The following COPG2 variants were observed in gnomAD, a reference collection of about 807,000 sequenced individuals.
COPG2 encodes the protein coatomer subunit gamma-2.
Under a neutral mutation model 46.3 loss-of-function variants are expected in COPG2, and 37 were observed. That is an observed-to-expected ratio of 0.80 (90% CI 0.61 to 1.05). The LOEUF is 1.05. Among genes scored for constraint, COPG2 ranks in the 50% least tolerant of loss-of-function variants. The pLI is 0.00. For synonymous variants in COPG2, 159 were observed against 129.7 expected (o/e 1.23, Z -1.53); for missense variants, 427 against 387.8 (o/e 1.10, Z -0.85).
chr7:130,645,329 C>G, intron 5 of COPG2: 4 of 581,280 alleles, frequency 6.9e-6, no homozygotes, highest in Non-Finnish European at 1.4e-5. Flanking sequence ...AATTCTTCAG[C>G]ACAGTTGCCT....
chr7:130,595,982 T>A (rs782492094), intron 9 of COPG2, among the ~76,000 whole-genome samples: 1 of 152,228 alleles, frequency 6.6e-6, no homozygotes, highest in Non-Finnish European at 1.5e-5. Flanking sequence ...CCCTCAGCCG[T>A]AGTGCCTCTG....
chr7:130,604,653 G>C, intron 9 of COPG2: 1 of 486,872 alleles, frequency 2.1e-6, no homozygotes, highest in Non-Finnish European at 4.0e-6. Context: ...AAATTTTTAG[G>C]TATTTTATTT....
chr7:130,565,722 C>T (rs1793792010), intron 9 of COPG2, among the ~76,000 whole-genome samples: 1 of 151,124 alleles, frequency 6.6e-6, no homozygotes, highest in African/African-American at 2.4e-5. Flanking sequence ...TATGAGACTA[C>T]CAATAAAGTG....
At position 130,640,967 on chromosome 7, in the gene COPG2, A is replaced by G. The variant is rs377522821; in HGVS notation, c.323+11902T>C. 2.0e-3 allele frequency among the ~76,000 whole-genome samples: 308 copies of G among 152,278 alleles called. 2 individuals are homozygous for G. The highest frequency in any genetic ancestry group is 6.7e-3 in the African/African-American group (279 of 41,556). ...TCTCTCAAAGAATTAATAATTCAGAAGGCAGAAAAACTATGCAAATAATTA... is the reference window on the plus strand; with the variant it reads ...TCTCTCAAAGAATTAATAATTCAGAGGGCAGAAAAACTATGCAAATAATTA... On this transcript the variant is annotated intron_variant, in intron 5 of 23. Coordinates refer to ENST00000425248, the MANE Select transcript of COPG2 (RefSeq NM_012133.6).
chr7:130,571,171 C>T (rs373610502), intron 9 of COPG2, among the ~76,000 whole-genome samples: 6 of 152,092 alleles, frequency 3.9e-5, no homozygotes, highest in African/African-American at 7.2e-5. Flanking sequence ...AAAGCAAATG[C>T]GAGAAAAGCA....
intron 5 of COPG2, among the ~76,000 whole-genome samples, chr7:130,624,566 C>A (rs1456947450): frequency 1.3e-5 from 2 of 152,058 alleles, no homozygotes; most frequent in Admixed American, 1.3e-4. Context: ...TCCCTCACCC[C>A]CTCCTAACCT....
chr7:130,540,642 G>A (rs1438266414), intron 20 of COPG2, among the ~76,000 whole-genome samples: 2 of 152,080 alleles, frequency 1.3e-5, no homozygotes, highest in African/African-American at 4.8e-5. Context: ...CAGGCCTAAT[G>A]GGGGTGGGCA....
intron 20 of COPG2, among the ~76,000 whole-genome samples, chr7:130,539,838 G>T (rs1042364228): frequency 3.3e-5 from 5 of 152,168 alleles, no homozygotes; most frequent in African/African-American, 1.2e-4. Context: ...CGAGGTGAAC[G>T]GGGAGGTCCC....
intron 20 of COPG2, among the ~76,000 whole-genome samples, chr7:130,526,156 G>T (rs1799772252): frequency 6.6e-6 from 1 of 152,116 alleles, no homozygotes; most frequent in Non-Finnish European, 1.5e-5. Flanking sequence ...AGAAAAGGCT[G>T]GAGTGTAAGA....
intron 9 of COPG2, among the ~76,000 whole-genome samples, chr7:130,574,515 A>T (rs886260738): frequency 1.3e-5 from 2 of 152,150 alleles, no homozygotes; most frequent in African/African-American, 4.8e-5. Flanking sequence ...CATCCAAGCA[A>T]CACCCCATGA....
intron 5 of COPG2, among the ~76,000 whole-genome samples, chr7:130,636,538 G>GTTTTT (rs59688621): frequency 4.2e-5 from 4 of 94,142 alleles, no homozygotes; most frequent in African/African-American, 8.5e-5. Flanking sequence ...ATTGCAACCG[G>GTTTTT]TTTTTTTTTT....
chr7:130,530,316 G>A (rs1799811822), intron 20 of COPG2, among the ~76,000 whole-genome samples: 1 of 152,066 alleles, frequency 6.6e-6, no homozygotes, highest in African/African-American at 2.4e-5. Flanking sequence ...GAGGAAATGA[G>A]GAAGAGAAGG....
intron 9 of COPG2, among the ~76,000 whole-genome samples, chr7:130,572,638 T>C (rs2116419667): frequency 6.6e-6 from 1 of 151,874 alleles, no homozygotes; most frequent in East Asian, 1.9e-4. Flanking sequence ...AGAAATCAAA[T>C]GGGAAATGAG....
intron 17 of COPG2, among the ~76,000 whole-genome samples, 159 bp downstream of exon 17, chr7:130,550,365 C>A (rs1302391449): frequency 7.4e-6 from 1 of 134,954 alleles, no homozygotes; most frequent in Non-Finnish European, 1.5e-5. Flanking sequence ...GACTAGAGAT[C>A]GCGCCACTGT....
chr7:130,540,694 G>A (rs1799926926), intron 20 of COPG2, among the ~76,000 whole-genome samples: 2 of 152,228 alleles, frequency 1.3e-5, no homozygotes, highest in East Asian at 1.9e-4. Context: ...TAAATGGCAA[G>A]TACTAGAATG....
intron 21 of COPG2, chr7:130,508,052 G>A (rs1554440475): frequency 4.2e-6 from 2 of 473,050 alleles, no homozygotes; most frequent in Admixed American, 7.5e-5. Flanking sequence ...GAGGTACAGA[G>A]TAGTCATGTT....
chr7:130,579,811 T>C (rs1794096963), intron 9 of COPG2, among the ~76,000 whole-genome samples: 1 of 152,120 alleles, frequency 6.6e-6, no homozygotes, highest in South Asian at 2.1e-4. Context: ...TAAATATATA[T>C]GCACCCAATA....
In COPG2 at chr7:130,549,203, A is replaced by T. The variant is rs1324912554; in HGVS notation, c.1837+111T>A. 1.8e-5 allele frequency: 7 copies of T among 397,336 alleles called. No homozygotes were observed. The Admixed American group carries it at 2.2e-4, about 12-fold the overall frequency. 24.6% of individuals were successfully genotyped at this position (397,336 alleles called of 1,614,324 possible). A position where few individuals can be genotyped will look rare whatever the true frequency, so the allele number is the denominator to read the frequency against. On this transcript the variant is annotated intron_variant, in intron 18 of 23. Transcript: ENST00000425248. The stretch of plus-strand genomic sequence containing the variant: ...ACTATACCCTATGGTGTTCAGCCAC[A>T]CGAAGATTTCCTATATTGAGAACCG...
At chr7:130,579,001 C>T (rs574190347) in intron 9 of COPG2, among the ~76,000 whole-genome samples, 3 of 132,426 alleles carry the variant, frequency 2.3e-5, no homozygotes, top group East Asian at 4.3e-4. Context: ...CAGAGAACGC[C>T]ACAAAGATAC....
Sources: gnomAD v4.1 joint callset for allele counts (sites outside exome capture counted in the v4.1 genomes callset) on GRCh38, gnomAD v4.1.1 for gene constraint, MANE v1.5 for transcripts, NCBI Gene and HGNC (gene_info 2026-07-23, HGNC 2026-07-21) for gene names.